PTPRQ: variants seen among roughly 807,000 people sequenced by gnomAD.
The protein encoded by PTPRQ is phosphatidylinositol phosphatase PTPRQ.
PTPRQ carries 199 observed loss-of-function variants against 246.0 expected under a neutral mutation model. The observed-to-expected ratio is 0.81, with a 90% confidence interval of 0.72 to 0.91. The LOEUF is 0.91. Among genes scored for constraint, PTPRQ ranks in the 40% least tolerant of loss-of-function variants. The pLI, the probability that PTPRQ is intolerant of heterozygous loss-of-function variation, is 0.00. For missense variants in PTPRQ, 2,624 were observed against 2,528.4 expected, an observed-to-expected ratio of 1.04 and a Z score of -0.81; for synonymous variants, 869 against 853.2, an observed-to-expected ratio of 1.02 and a Z score of -0.32.
At chr12:80,608,999 A>G (rs1238612428) in intron 27 of PTPRQ, among the ~76,000 whole-genome samples, 1 of 150,738 alleles carries the variant, frequency 6.6e-6, no homozygotes, top group Non-Finnish European at 1.5e-5. Flanking sequence ...CCTGATCAAT[A>G]GGATTTCTAC....
chr12:80,508,225 G>A (rs887032506), intron 16 of PTPRQ, among the ~76,000 whole-genome samples: 2 of 152,016 alleles, frequency 1.3e-5, no homozygotes, highest in Non-Finnish European at 2.9e-5. Context: ...ACAGAAAATC[G>A]AGAATGGATA....
chr12:80,567,673 A>G (rs543409114), intron 25 of PTPRQ, among the ~76,000 whole-genome samples: 1 of 152,156 alleles, frequency 6.6e-6, no homozygotes, highest in Non-Finnish European at 1.5e-5. Context: ...ACATGAATAT[A>G]CTATTATTAG....
In PTPRQ at chr12:80,584,262, G is replaced by A. The variant is rs542074720; in HGVS notation, c.4286-3867G>A. The A allele has an allele frequency of 2.0e-5, 3 of 152,248 alleles. No individual in the cohort carries two copies. The South Asian group carries it at 6.2e-4, about 32-fold the overall frequency. The allele number at this position is 152,248 out of a possible 1,614,324, so 9.4% of individuals were successfully genotyped here. On this transcript the variant is annotated intron_variant, in intron 25 of 44. Coordinates refer to ENST00000644991, the MANE Select transcript of PTPRQ (RefSeq NM_001145026.2). ...GGGATATCTGCAGACACAAAGGTCA[G>A]ACAAAGAGACAAGATGACCAAGATG... is the stretch of plus-strand genomic sequence containing the variant.
At chr12:80,489,554 C>A (rs886566723) in intron 9 of PTPRQ, among the ~76,000 whole-genome samples, 1 of 151,948 alleles carries the variant, frequency 6.6e-6, no homozygotes, top group African/African-American at 2.4e-5. Context: ...TTAGTCATGG[C>A]TTCTAGGTCC....
chr12:80,495,874 A>T (rs1282251475), intron 12 of PTPRQ, 125 bp from the exon 13 acceptor site: 1 of 1,170,156 alleles, frequency 8.5e-7, no homozygotes, highest in Non-Finnish European at 1.2e-6. Context: ...GACTGCAATT[A>T]TTTGGAAGCG....
intron 8 of PTPRQ, among the ~76,000 whole-genome samples, chr12:80,473,287 C>G (rs1893711519): frequency 6.6e-6 from 1 of 152,130 alleles, no homozygotes; most frequent in Admixed American, 6.6e-5. Context: ...GGAAAATGTT[C>G]TTTTTTTGTA....
At chr12:80,530,240 G>A (rs1221209590) in intron 17 of PTPRQ, among the ~76,000 whole-genome samples, 1 of 151,822 alleles carries the variant, frequency 6.6e-6, no homozygotes, top group Non-Finnish European at 1.5e-5. Flanking sequence ...TTCTTTCTTT[G>A]TTCTTTACTT....
At chr12:80,556,585 C>CT (rs1334976326) in intron 25 of PTPRQ, among the ~76,000 whole-genome samples, 1 of 152,002 alleles carries the variant, frequency 6.6e-6, no homozygotes, top group Non-Finnish European at 1.5e-5. Flanking sequence ...TCTAAATGTT[C>CT]TTTTTGGTTT....
intron 19 of PTPRQ, among the ~76,000 whole-genome samples, chr12:80,537,776 G>A (rs1318040250): frequency 1.3e-5 from 2 of 152,096 alleles, no homozygotes; most frequent in African/African-American, 2.4e-5. Context: ...ACCCACTTAT[G>A]TTTCCTTAGT....
In PTPRQ at chr12:80,554,082, G is replaced by T. The variant is rs181265503; in HGVS notation, c.4285+4348G>T. Reference sequence around the variant, plus strand: ...CCTGGAAAAGGTAGGAGGGGCAGGGGGGGTAGGAAAAGCGGGGATGGTTAA... The same window carrying T: ...CCTGGAAAAGGTAGGAGGGGCAGGGTGGGTAGGAAAAGCGGGGATGGTTAA... On this transcript the variant is annotated intron_variant, in intron 25 of 44. Coordinates refer to ENST00000644991, the MANE Select transcript of PTPRQ (RefSeq NM_001145026.2). Among the ~76,000 whole-genome samples, 15 of 151,958 alleles carry T rather than the reference G, an allele frequency of 9.9e-5. No individual in the cohort carries two copies. The East Asian group carries it at 1.6e-3, about 16-fold the overall frequency.
chr12:80,477,534 T>C (rs1203664758), intron 8 of PTPRQ, among the ~76,000 whole-genome samples: 1 of 152,214 alleles, frequency 6.6e-6, no homozygotes, highest in Non-Finnish European at 1.5e-5. Context: ...TTAGGCAAGA[T>C]GGCCGAATAG....
intron 33 of PTPRQ, among the ~76,000 whole-genome samples, chr12:80,629,708 G>A (rs1263421017): frequency 6.6e-6 from 1 of 152,150 alleles, no homozygotes; most frequent in African/African-American, 2.4e-5. Context: ...GTTTTAAAAC[G>A]ATTGTCCTTG....
intron 37 of PTPRQ, among the ~76,000 whole-genome samples, chr12:80,652,166 T>C (rs1592760734): frequency 6.6e-6 from 1 of 152,080 alleles, no homozygotes; most frequent in South Asian, 2.1e-4. Flanking sequence ...ATAGATAATA[T>C]CATAAATTTT....
chr12:80,481,879 T>C (rs1421763679), intron 8 of PTPRQ, among the ~76,000 whole-genome samples: 1 of 151,426 alleles, frequency 6.6e-6, no homozygotes, highest in Non-Finnish European at 1.5e-5. Context: ...TAAAAGAGGA[T>C]ACAAACAAAT....
chr12:80,638,014 T>C (rs530086216), intron 35 of PTPRQ, among the ~76,000 whole-genome samples: 2 of 152,160 alleles, frequency 1.3e-5, no homozygotes, highest in African/African-American at 2.4e-5. Flanking sequence ...ATGCCTGTAA[T>C]CTCAGCACTT....
intron 30 of PTPRQ, 140 bp downstream of exon 30, chr12:80,616,406 G>A (rs768363780): frequency 7.4e-6 from 5 of 674,496 alleles, no homozygotes; most frequent in South Asian, 4.1e-5. Flanking sequence ...AAAAATGTGT[G>A]GTTATTAAAG....
At chr12:80,651,473 G>T (rs949076597) in intron 37 of PTPRQ, among the ~76,000 whole-genome samples, 2 of 151,998 alleles carry the variant, frequency 1.3e-5, no homozygotes, top group African/African-American at 4.8e-5. Context: ...GACAGGAAAA[G>T]GATAGGAATG....
At chr12:80,672,996 T>C (rs939281799) in intron 42 of PTPRQ, among the ~76,000 whole-genome samples, 173 bp from the exon 43 acceptor site, 1 of 152,116 alleles carries the variant, frequency 6.6e-6, no homozygotes, top group African/African-American at 2.4e-5. Context: ...TTGCCTTGTT[T>C]AAACACAATC....
intron 27 of PTPRQ, among the ~76,000 whole-genome samples, chr12:80,607,383 C>A (rs1054894549): frequency 1.3e-5 from 2 of 150,770 alleles, no homozygotes; most frequent in African/African-American, 4.9e-5. Context: ...TCAGATAGAA[C>A]CTAGTAATTC....
Sources: gnomAD v4.1 joint callset for allele counts (sites outside exome capture counted in the v4.1 genomes callset) on GRCh38, gnomAD v4.1.1 for gene constraint, MANE v1.5 for transcripts, NCBI Gene and HGNC (gene_info 2026-07-23, HGNC 2026-07-21) for gene names.